Variants in CFAP47 observed in about 807,000 individuals in gnomAD.
The protein encoded by CFAP47 is cilia- and flagella-associated protein 47.
Under a neutral mutation model 148.1 loss-of-function variants are expected in CFAP47, and 29 were observed. The observed-to-expected ratio is 0.20, with a 90% CI of 0.15 to 0.27. CFAP47 has a LOEUF of 0.27. Among genes scored for constraint, CFAP47 ranks in the 10% least tolerant of loss-of-function variants. The pLI, the probability that CFAP47 is intolerant of heterozygous loss-of-function variation, is 1.00. For synonymous variants in CFAP47, 664 were observed against 577.3 expected (o/e 1.15, Z -2.15); for missense variants, 1,872 against 1,697.5 (o/e 1.10, Z -1.81).
intron 45 of CFAP47, 146 bp downstream of exon 45, chrX:36,205,256 T>C (rs1338709265): frequency 7.2e-6 from 2 of 279,331 alleles, no homozygotes; most frequent in Non-Finnish European, 1.3e-5. Context: ...AAATACCAAT[T>C]ATTGAATGAT....
At chrX:36,300,582 T>C (rs782141215) in intron 52 of CFAP47, among the ~76,000 whole-genome samples, 680 of 111,601 alleles carry the variant, frequency 6.1e-3, no homozygotes, top group African/African-American at 0.021. Flanking sequence ...AGCCACCACG[T>C]CCGGTCCCCA....
intron 36 of CFAP47, among the ~76,000 whole-genome samples, chrX:36,146,547 A>G (rs951379512): frequency 9.0e-6 from 1 of 111,637 alleles, no homozygotes; most frequent in Non-Finnish European, 1.9e-5. Flanking sequence ...AATAAAATGT[A>G]TATGCAAGAT....
chrX:36,271,717 A>G (rs1940961460), intron 49 of CFAP47, among the ~76,000 whole-genome samples: 1 of 112,090 alleles, frequency 8.9e-6, no homozygotes, highest in African/African-American at 3.2e-5. Context: ...ATGAGACATC[A>G]TTTGAAAGAG....
At chrX:36,299,286 G>GA (rs1941275207) in intron 52 of CFAP47, 134 bp downstream of exon 52, 1 of 353,232 alleles carries the variant, frequency 2.8e-6, no homozygotes, top group African/African-American at 2.7e-5. Context: ...ACTAGTCCCT[G>GA]AAAAAATGTA....
Position 36,297,238 on chromosome X carries a change from A to G in CFAP47, c.7687-1739A>G, listed in dbSNP as rs148271688. Among the ~76,000 whole-genome samples the G allele has an allele frequency of 3.2e-3, 362 of 111,548 alleles. 1 individual carries two copies. The highest frequency in any genetic ancestry group is 0.011 in the African/African-American group (336 of 30,722). On this transcript the variant is annotated intron_variant, in intron 51 of 63. Coordinates refer to ENST00000378653, the MANE Select transcript of CFAP47 (RefSeq NM_001304548.2). ...TAGCATCCTTCCAACTCATTTATTT[A>G]TTAGAGGTGATCAGGCAAATATTCT...
At chrX:36,093,862 G>A (rs923582912) in intron 30 of CFAP47, among the ~76,000 whole-genome samples, 2 of 110,748 alleles carry the variant, frequency 1.8e-5, no homozygotes, top group African/African-American at 6.5e-5. Flanking sequence ...TTTGTTGATT[G>A]TTTCCTTTGC....
At chrX:36,363,678 G>T (rs1314150437) in intron 61 of CFAP47, among the ~76,000 whole-genome samples, 1 of 111,659 alleles carries the variant, frequency 9.0e-6, no homozygotes, top group Non-Finnish European at 1.9e-5. Flanking sequence ...AGGTTAAAAA[G>T]AACATTTATG....
intron 35 of CFAP47, among the ~76,000 whole-genome samples, chrX:36,141,972 C>A (rs1177056032): frequency 9.0e-6 from 1 of 110,932 alleles, no homozygotes; most frequent in Non-Finnish European, 1.9e-5. Context: ...CATTGCATAT[C>A]ATTGACCGGA....
intron 33 of CFAP47, among the ~76,000 whole-genome samples, chrX:36,125,960 A>G (rs1455958225): frequency 8.1e-5 from 9 of 111,006 alleles, no homozygotes; most frequent in Non-Finnish European, 1.7e-4. Context: ...CTACGATTCA[A>G]CCATGTGTAA....
intron 54 of CFAP47, among the ~76,000 whole-genome samples, chrX:36,305,289 A>G (rs1941338389): frequency 8.9e-6 from 1 of 111,845 alleles, no homozygotes; most frequent in Non-Finnish European, 1.9e-5. Context: ...CATAAATTAT[A>G]TGAAGTCTGA....
At chrX:36,273,162 AAG>A (rs1556002136) in intron 49 of CFAP47, among the ~76,000 whole-genome samples, 2 of 111,708 alleles carry the variant, frequency 1.8e-5, no homozygotes, top group Admixed American at 1.9e-4. Flanking sequence ...ATTATTTTCA[AAG>A]GAAAACCCAT....
chrX:36,089,262 G>A lies in CFAP47; in HGVS notation c.4916+3724G>A, dbSNP rs962091375. Among the ~76,000 whole-genome samples, 5 of 110,159 alleles carry A rather than the reference G, an allele frequency of 4.5e-5. No homozygotes were observed. In the East Asian group the frequency reaches 1.1e-3, roughly 25 times the overall value. ...TGGGCGCCAGTAATCCCAACTACTCGGGAGGCTGAGGCAGGAGAATCACTT... is the reference window on the plus strand; with the variant it reads ...TGGGCGCCAGTAATCCCAACTACTCAGGAGGCTGAGGCAGGAGAATCACTT... On this transcript the variant is annotated intron_variant, in intron 30 of 63. Transcript: ENST00000378653.
chrX:36,132,385 G>A (rs1420382108), intron 33 of CFAP47, among the ~76,000 whole-genome samples: 3 of 111,756 alleles, frequency 2.7e-5, no homozygotes, highest in Non-Finnish European at 5.7e-5. Context: ...CGTCTCAGAC[G>A]ATAATGTGAA....
chrX:36,244,739 C>T (rs1555996731), intron 48 of CFAP47, among the ~76,000 whole-genome samples: 1 of 110,793 alleles, frequency 9.0e-6, no homozygotes, highest in African/African-American at 3.3e-5. Context: ...GTAATAAAAA[C>T]CCCTACCAAC....
At chrX:36,284,013 A>G (rs1941106721) in intron 50 of CFAP47, among the ~76,000 whole-genome samples, 2 of 112,200 alleles carry the variant, frequency 1.8e-5, no homozygotes, top group South Asian at 3.6e-4. Flanking sequence ...GGAAAGGCCC[A>G]GATAAAATAT....
intron 39 of CFAP47, among the ~76,000 whole-genome samples, chrX:36,168,992 T>G (rs759688335): frequency 6.9e-4 from 77 of 111,968 alleles, no homozygotes; most frequent in African/African-American, 2.2e-3. Flanking sequence ...ACAGTTTTTT[T>G]GTTTTCTTCT....
At chrX:36,277,199 T>G (rs1188758733) in intron 49 of CFAP47, among the ~76,000 whole-genome samples, 1 of 112,628 alleles carries the variant, frequency 8.9e-6, no homozygotes, top group Non-Finnish European at 1.9e-5. Flanking sequence ...AGCAGTTATA[T>G]TCCATGTAAA....
rs766682108 is a variant in CFAP47 at position 35,971,747 on chromosome X, A to G, written c.2132A>G (p.Gln711Arg). 3.6e-5 allele frequency: 43 copies of G among 1,207,667 alleles called. No homozygotes were observed. Among genetic ancestry groups the G allele is most frequent in the Non-Finnish European group, 4.7e-5 (42 of 892,709 alleles). Residue 711 changes from glutamine (Q) to arginine (R), a missense_variant, in exon 12 of 64, where the codon CAG becomes CGG. Gln to Arg is a conservative substitution (Grantham distance 43, BLOSUM62 1). Coordinates refer to ENST00000378653, the MANE Select transcript of CFAP47 (RefSeq NM_001304548.2). ...TTAACCACCAGGGGTATAGCATCTC[A>G]GGAGGAAGAGTCTGTGAGAAGAAAG... ...RLLTTRGIAS[Q>R]EEESVRRKVL...
chrX:36,083,571 A>G (rs1160663116), intron 29 of CFAP47, among the ~76,000 whole-genome samples: 2 of 111,626 alleles, frequency 1.8e-5, no homozygotes, highest in Non-Finnish European at 3.8e-5. Flanking sequence ...AACTCATTCT[A>G]GTTGTGTTCC....
Sources: gnomAD v4.1 joint callset for allele counts (sites outside exome capture counted in the v4.1 genomes callset) on GRCh38, gnomAD v4.1.1 for gene constraint, MANE v1.5 for transcripts, NCBI Gene and HGNC (gene_info 2026-07-23, HGNC 2026-07-21) for gene names.